NTRK2: variants seen among roughly 807,000 people sequenced by gnomAD.
NTRK2 encodes the protein neurotrophic receptor tyrosine kinase 2.
Under a neutral mutation model 94.5 loss-of-function variants are expected in NTRK2, and 13 were observed. The observed-to-expected ratio is 0.14, with a 90% CI of 0.09 to 0.22. NTRK2 has a LOEUF of 0.22. Among genes scored for constraint, NTRK2 ranks in the 10% least tolerant of loss-of-function variants. The pLI, the probability that NTRK2 is intolerant of heterozygous loss-of-function variation, is 1.00. For missense variants in NTRK2, 639 were observed against 1,071.2 expected (o/e 0.60, Z 5.63); for synonymous variants, 372 against 407.4 (o/e 0.91, Z 1.05).
chr9:84,740,548 C>T (rs1308848890), intron 9 of NTRK2, among the ~76,000 whole-genome samples: 2 of 152,248 alleles, frequency 1.3e-5, no homozygotes, highest in African/African-American at 4.8e-5. Context: ...ACAGGGTGTG[C>T]ACTGCACAAT....
chr9:84,750,048 T>C (rs371767099), intron 11 of NTRK2, among the ~76,000 whole-genome samples: 3 of 152,244 alleles, frequency 2.0e-5, no homozygotes, highest in East Asian at 3.8e-4. Context: ...TTTTTCTTTA[T>C]GACAGAGATA....
At chr9:84,796,576 C>T (rs1237750034) in intron 12 of NTRK2, among the ~76,000 whole-genome samples, 2 of 152,148 alleles carry the variant, frequency 1.3e-5, no homozygotes, top group African/African-American at 4.8e-5. Context: ...AGACAGAGAG[C>T]AGTAAAGCTA....
chr9:84,875,201 A>G, intron 14 of NTRK2: 1 of 1,058,126 alleles, frequency 9.5e-7, no homozygotes, highest in Non-Finnish European at 1.1e-6. Context: ...TAATATTTCT[A>G]TAGTAATGGC....
intron 14 of NTRK2, among the ~76,000 whole-genome samples, chr9:84,905,989 G>A (rs1164626438): frequency 6.6e-6 from 1 of 152,182 alleles, no homozygotes; most frequent in African/African-American, 2.4e-5. Context: ...CTCAGGCTTG[G>A]GGCAGCAGAA....
At chr9:84,811,909 A>AACC in intron 12 of NTRK2, 35 of 629,682 alleles carry the variant, frequency 5.6e-5, no homozygotes, top group South Asian at 7.5e-5. Flanking sequence ...GGCTATCCCC[A>AACC]CCCCACCCCA....
chr9:85,014,408 A>T lies in NTRK2; in HGVS notation c.2173-5798A>T, dbSNP rs185250186. Among the ~76,000 whole-genome samples, 3 of 152,354 alleles carry T rather than the reference A, an allele frequency of 2.0e-5. No individual in the cohort carries two copies. The East Asian group carries it at 5.8e-4, about 29-fold the overall frequency. On this transcript the variant is annotated intron_variant, in intron 17 of 18. Coordinates refer to ENST00000277120, the MANE Select transcript of NTRK2 (RefSeq NM_006180.6). ...CAAGGATAGCAAACAACAACAACTC[A>T]TGGGGAAGAACCTAGCCTGTCAGCA...
chr9:84,959,396 A>G (rs1469398921), intron 17 of NTRK2, among the ~76,000 whole-genome samples: 2 of 152,218 alleles, frequency 1.3e-5, no homozygotes, highest in African/African-American at 4.8e-5. Flanking sequence ...CTTATCTTTA[A>G]GCAAGAACCA....
In NTRK2 at chr9:85,022,216, C is replaced by T; in HGVS notation, c.*779C>T. ...TGGGAAGAATGTATTCGGCACCTTC[C>T]CCTGAGGACCTTTCTGAGGAGTAAA... is the stretch of plus-strand genomic sequence containing the variant. On this transcript the variant is annotated 3_prime_UTR_variant, in exon 19 of 19. Transcript: ENST00000277120. The T allele has an allele frequency of 4.3e-6, 1 of 233,258 alleles. No homozygotes were observed. 14.4% of individuals were successfully genotyped at this position (233,258 alleles called of 1,614,324 possible).
At chr9:84,848,408 G>C (rs1179012256) in intron 12 of NTRK2, among the ~76,000 whole-genome samples, 1 of 152,142 alleles carries the variant, frequency 6.6e-6, no homozygotes, top group Non-Finnish European at 1.5e-5. Flanking sequence ...ATGTACCCAG[G>C]TAGCTTCAAA....
intron 12 of NTRK2, among the ~76,000 whole-genome samples, chr9:84,773,297 T>C (rs1470432148): frequency 6.6e-6 from 1 of 152,202 alleles, no homozygotes; most frequent in Non-Finnish European, 1.5e-5. Context: ...ACCCTGAGGA[T>C]GGTTAGAGTC....
intron 9 of NTRK2, among the ~76,000 whole-genome samples, chr9:84,734,144 C>T (rs2063088825): frequency 6.6e-6 from 1 of 152,112 alleles, no homozygotes; most frequent in African/African-American, 2.4e-5. Flanking sequence ...GTGTAGGGTT[C>T]TAGCCCCAAG....
At chr9:84,805,440 A>C (rs914438538) in intron 12 of NTRK2, among the ~76,000 whole-genome samples, 1 of 152,236 alleles carries the variant, frequency 6.6e-6, no homozygotes, top group Non-Finnish European at 1.5e-5. Flanking sequence ...TGCTCCAGGA[A>C]GTACTCACTG....
chr9:84,877,120 A>C (rs2076095362), intron 14 of NTRK2: 3 of 1,064,820 alleles, frequency 2.8e-6, no homozygotes, highest in Non-Finnish European at 3.4e-6. Flanking sequence ...TCCTTCTCGG[A>C]TTGTGTATAT....
chr9:84,897,964 A>G (rs904813091), intron 14 of NTRK2, among the ~76,000 whole-genome samples: 11 of 152,154 alleles, frequency 7.2e-5, no homozygotes, highest in Non-Finnish European at 1.5e-4. Context: ...GGCCAGGCCC[A>G]CTGATTTGCA....
chr9:84,885,967 G>C (rs1473146361), intron 14 of NTRK2, among the ~76,000 whole-genome samples: 3 of 152,106 alleles, frequency 2.0e-5, no homozygotes. Flanking sequence ...GGAGGCAGAG[G>C]TTGCAGTGAG....
rs1221440683 is a variant in NTRK2 at position 85,024,060 on chromosome 9, G to T, written c.*2623G>T. The T allele has an allele frequency of 4.4e-6, 1 of 228,202 alleles. No individual in the cohort carries two copies. The highest frequency in any genetic ancestry group is 2.2e-5 in the African/African-American group (1 of 45,016). The allele number at this position is 228,202 out of a possible 1,614,324, so 14.1% of individuals were successfully genotyped here. On this transcript the variant is annotated 3_prime_UTR_variant, in exon 19 of 19. Coordinates refer to ENST00000277120, the MANE Select transcript of NTRK2 (RefSeq NM_006180.6). Reference sequence around the variant, plus strand: ...TATACCTTCTGACAAGTCCCTAAAGGTCTTGAAATAAAAGGTTCTATGCAA... The same window carrying T: ...TATACCTTCTGACAAGTCCCTAAAGTTCTTGAAATAAAAGGTTCTATGCAA...
chr9:84,916,501 C>G (rs1344897695), intron 14 of NTRK2, among the ~76,000 whole-genome samples: 2 of 152,164 alleles, frequency 1.3e-5, no homozygotes, highest in Non-Finnish European at 2.9e-5. Context: ...GCAGGCACTA[C>G]CAATCAATAG....
chr9:84,761,078 C>T (rs1415773489), intron 12 of NTRK2, among the ~76,000 whole-genome samples: 1 of 152,146 alleles, frequency 6.6e-6, no homozygotes, highest in Non-Finnish European at 1.5e-5. Context: ...TTTATCAAAG[C>T]GTCAGCAAAA....
At chr9:84,858,646 A>G (rs939751227) in intron 12 of NTRK2, among the ~76,000 whole-genome samples, 9 of 151,932 alleles carry the variant, frequency 5.9e-5, no homozygotes, top group Non-Finnish European at 1.2e-4. Flanking sequence ...CTGTGCTCAC[A>G]CACCCTGGAC....
Sources: gnomAD v4.1 joint callset for allele counts (sites outside exome capture counted in the v4.1 genomes callset) on GRCh38, gnomAD v4.1.1 for gene constraint, MANE v1.5 for transcripts, NCBI Gene and HGNC (gene_info 2026-07-23, HGNC 2026-07-21) for gene names.